CD247: variants seen among roughly 807,000 people sequenced by gnomAD.
CD247 encodes the protein T-cell surface glycoprotein CD3 zeta chain.
Under a neutral mutation model 30.0 loss-of-function variants are expected in CD247, and 13 were observed. That is an observed-to-expected ratio of 0.43 (90% CI 0.28 to 0.69). The LOEUF (loss-of-function observed/expected upper bound fraction) is 0.69, where lower values mean the gene tolerates loss of function less well. Among genes scored for constraint, CD247 ranks in the 30% least tolerant of loss-of-function variants. The probability of loss-of-function intolerance (pLI) is 0.16; values close to 1 mark genes in which losing one functional copy is unlikely to be tolerated. For synonymous variants in CD247, 72 were observed against 80.0 expected (o/e 0.90, Z 0.53); for missense variants, 193 against 212.6 (o/e 0.91, Z 0.57).
rs1171015279 is a variant in CD247, at chr1:167,494,563, A to G, written c.58+23845T>C. Among the ~76,000 whole-genome samples, 1 of 152,084 alleles carries G rather than the reference A, an allele frequency of 6.6e-6. No individual in the cohort carries two copies. Among genetic ancestry groups the G allele is most frequent in the Non-Finnish European group, 1.5e-5 (1 of 68,020 alleles). On this transcript the variant is annotated intron_variant, in intron 1 of 7. Coordinates refer to ENST00000362089, the MANE Select transcript of CD247 (RefSeq NM_198053.3). This position sits in a 1 kb window ranked among gnomAD's most constrained non-coding sequence, Gnocchi z 7.3. Reference sequence around the variant, plus strand: ...GGGTCAGATGAGAAAATGGGTGGGGAGGTAATAATTAGTGAACAGCACCAT... The same window carrying G: ...GGGTCAGATGAGAAAATGGGTGGGGGGGTAATAATTAGTGAACAGCACCAT...
At position 167,431,758 on chromosome 1, in the gene CD247, G is replaced by A; in HGVS notation, c.430-12C>T. 2.5e-6 allele frequency: 4 copies of A among 1,613,612 alleles called. No individual in the cohort carries two copies. Among genetic ancestry groups the A allele is most frequent in the Non-Finnish European group, 3.4e-6 (4 of 1,179,572 alleles). On this transcript the variant is annotated splice_polypyrimidine_tract_variant and intron_variant, in intron 7 of 7. Coordinates refer to ENST00000362089, the MANE Select transcript of CD247 (RefSeq NM_198053.3). ...GCTGTACTGAGACCCTGGCGTGAAAGCAAATCAGAAAACAAAGAGTGGGTC... is the reference window on the plus strand; with the variant it reads ...GCTGTACTGAGACCCTGGCGTGAAAACAAATCAGAAAACAAAGAGTGGGTC...
intron 1 of CD247, among the ~76,000 whole-genome samples, chr1:167,497,089 T>C (rs1455680808): frequency 6.6e-6 from 1 of 152,194 alleles, no homozygotes; most frequent in African/African-American, 2.4e-5. Flanking sequence ...TCTAAATGTC[T>C]GACAAAAGAC....
intron 1 of CD247, among the ~76,000 whole-genome samples, chr1:167,445,252 GATAAA>G (rs991587080): frequency 5.3e-5 from 8 of 152,054 alleles, no homozygotes; most frequent in African/African-American, 1.9e-4. Context: ...ATGGGGTGAG[GATAAA>G]ATAAAATAAT....
intron 1 of CD247, among the ~76,000 whole-genome samples, chr1:167,476,336 A>G (rs1235270469): frequency 1.3e-5 from 2 of 152,194 alleles, no homozygotes; most frequent in African/African-American, 4.8e-5. Flanking sequence ...CTACCAAGCA[A>G]ATAGAATGAG....
chr1:167,470,596 A>C (rs1488984044), intron 1 of CD247, among the ~76,000 whole-genome samples: 1 of 151,362 alleles, frequency 6.6e-6, no homozygotes, highest in Non-Finnish European at 1.5e-5. Flanking sequence ...CCACTCAAAC[A>C]TAATCTTTAA....
chr1:167,456,649 G>A (rs1474799697), intron 1 of CD247, among the ~76,000 whole-genome samples: 15 of 152,058 alleles, frequency 9.9e-5, no homozygotes, highest in Admixed American at 9.2e-4. Context: ...ACCACTCTTC[G>A]GGGACCACCA....
chr1:167,481,151 G>A (rs184117155), intron 1 of CD247, among the ~76,000 whole-genome samples: 1 of 152,294 alleles, frequency 6.6e-6, no homozygotes, highest in East Asian at 1.9e-4. Context: ...CCTGTGTGTG[G>A]TGGCATGTTC....
At chr1:167,470,504 T>TAA (rs55679205) in intron 1 of CD247, among the ~76,000 whole-genome samples, 2,116 of 122,076 alleles carry the variant, frequency 0.017, 35 homozygotes, top group African/African-American at 0.067. Flanking sequence ...ATGTTAATTG[T>TAA]AAAAAAAAAA....
At chr1:167,443,691 G>C (rs1016008753) in intron 1 of CD247, among the ~76,000 whole-genome samples, 2 of 152,206 alleles carry the variant, frequency 1.3e-5, no homozygotes, top group Admixed American at 6.5e-5. Context: ...GCATGTCCCT[G>C]AGATAAATAA....
At chr1:167,476,668 A>G (rs1653761416) in intron 1 of CD247, among the ~76,000 whole-genome samples, 1 of 152,176 alleles carries the variant, frequency 6.6e-6, no homozygotes, top group Non-Finnish European at 1.5e-5. Flanking sequence ...ACAAAAAAAT[A>G]GAAAAATTAG....
At chr1:167,490,348 G>A (rs1221208663) in intron 1 of CD247, among the ~76,000 whole-genome samples, 1 of 152,194 alleles carries the variant, frequency 6.6e-6, no homozygotes, top group Non-Finnish European at 1.5e-5. Flanking sequence ...TTTGAGGCCG[G>A]GCGCGGTGGC....
chr1:167,466,412 C>CT (rs199998437), intron 1 of CD247, among the ~76,000 whole-genome samples: 4,349 of 148,050 alleles, frequency 0.029, 197 homozygotes, highest in African/African-American at 0.1. Context: ...CCACATTCGT[C>CT]TTTTTTTTTT....
chr1:167,505,140 C>CT (rs35857690), intron 1 of CD247, among the ~76,000 whole-genome samples: 4 of 151,920 alleles, frequency 2.6e-5, no homozygotes, highest in African/African-American at 7.3e-5. Context: ...TTTTCTTTTT[C>CT]TTTTTTTAGA....
intron 1 of CD247, among the ~76,000 whole-genome samples, chr1:167,487,747 G>A (rs748161958): frequency 6.6e-6 from 1 of 152,058 alleles, no homozygotes; most frequent in Non-Finnish European, 1.5e-5. Context: ...TGTTTTTTTC[G>A]AGACAGGGTC....
chr1:167,433,495 T>C (rs1025525531), intron 6 of CD247, among the ~76,000 whole-genome samples: 2 of 152,176 alleles, frequency 1.3e-5, no homozygotes, highest in African/African-American at 4.8e-5. Context: ...AGACCTTGGG[T>C]AAGTCACTCA....
intron 1 of CD247, among the ~76,000 whole-genome samples, chr1:167,448,921 A>G (rs569770643): frequency 3.6e-4 from 55 of 152,266 alleles, no homozygotes; most frequent in Non-Finnish European, 6.5e-4. Context: ...TTCTCTCCTC[A>G]GTGTCAGATT....
In CD247 at chr1:167,438,529, C is replaced by G. The variant is rs1465260599; in HGVS notation, c.300+41G>C. ...CCCCACAGCCTGGGCTGAGCCCCACCACACATGCAGGAACACACAGGAAGG... is the reference window on the plus strand; with the variant it reads ...CCCCACAGCCTGGGCTGAGCCCCACGACACATGCAGGAACACACAGGAAGG... On this transcript the variant is annotated intron_variant, in intron 4 of 7. Coordinates refer to ENST00000362089, the MANE Select transcript of CD247 (RefSeq NM_198053.3). The G allele has an allele frequency of 4.6e-6, 7 of 1,511,134 alleles. No homozygotes were observed. The East Asian group carries it at 1.4e-4, about 29-fold the overall frequency. 93.6% of individuals were successfully genotyped at this position (1,511,134 alleles called of 1,614,324 possible).
chr1:167,467,684 GATTT>G (rs1653320727), intron 1 of CD247, among the ~76,000 whole-genome samples: 1 of 152,088 alleles, frequency 6.6e-6, no homozygotes, highest in Non-Finnish European at 1.5e-5. Context: ...TTTATTATCG[GATTT>G]ATTTGTCTGT....
intron 1 of CD247, among the ~76,000 whole-genome samples, chr1:167,444,149 G>A (rs542528221): frequency 6.6e-6 from 1 of 152,270 alleles, no homozygotes; most frequent in Admixed American, 6.5e-5. Flanking sequence ...CTACCTTAAG[G>A]GTTGTGATGA....
Sources: allele counts gnomAD v4.1 joint callset (sites outside exome capture counted in the v4.1 genomes callset), GRCh38; gene constraint gnomAD v4.1.1; non-coding constraint Gnocchi (gnomAD v3.1); transcripts MANE v1.5; gene names NCBI Gene and HGNC (gene_info 2026-07-23, HGNC 2026-07-21).